PTPRM: variants seen among roughly 807,000 people sequenced by gnomAD.
The protein encoded by PTPRM is receptor-type tyrosine-protein phosphatase mu.
PTPRM carries 47 observed loss-of-function variants against 186.7 expected under a neutral mutation model. The ratio of observed to expected loss-of-function variants is 0.25; its 90% CI spans 0.20 to 0.32. PTPRM has a LOEUF of 0.32. Among genes scored for constraint, PTPRM ranks in the 10% least tolerant of loss-of-function variants. PTPRM has a pLI of 1.00. For missense variants in PTPRM, 1,494 were observed against 1,865.0 expected (o/e 0.80, Z 3.66); for synonymous variants, 668 against 674.9 (o/e 0.99, Z 0.16).
chr18:8,149,001 C>A (rs1052347226), intron 14 of PTPRM, among the ~76,000 whole-genome samples: 2 of 152,182 alleles, frequency 1.3e-5, no homozygotes, highest in African/African-American at 4.8e-5. Context: ...TATGATTGCA[C>A]TGTGGTCTGA....
chr18:7,574,069 T>TCA (rs1380405684), intron 1 of PTPRM, among the ~76,000 whole-genome samples: 2 of 152,184 alleles, frequency 1.3e-5, no homozygotes, highest in African/African-American at 4.8e-5. Flanking sequence ...GGAGAACCCT[T>TCA]GTTCTAAAAG....
chr18:7,574,901 G>A (rs757444008), intron 1 of PTPRM, among the ~76,000 whole-genome samples: 1 of 152,140 alleles, frequency 6.6e-6, no homozygotes, highest in African/African-American at 2.4e-5. Flanking sequence ...GCGTGTTGGT[G>A]GGCGCCTGTA....
intron 14 of PTPRM, among the ~76,000 whole-genome samples, chr18:8,149,040 T>C (rs915691585): frequency 9.9e-5 from 15 of 152,198 alleles, no homozygotes; most frequent in Non-Finnish European, 1.9e-4. Flanking sequence ...TTCCTTTCTT[T>C]TGAATTTGCT....
intron 1 of PTPRM, among the ~76,000 whole-genome samples, chr18:7,752,364 A>C (rs191643583): frequency 1.3e-5 from 2 of 152,264 alleles, no homozygotes; most frequent in East Asian, 3.9e-4. Flanking sequence ...TTTTTTAAAA[A>C]AATTTCTATA....
chr18:7,793,514 A>G (rs1041178432), intron 2 of PTPRM, among the ~76,000 whole-genome samples: 4 of 152,162 alleles, frequency 2.6e-5, no homozygotes, highest in Non-Finnish European at 5.9e-5. Flanking sequence ...TTCCTTCTAA[A>G]TGACAATGTT....
chr18:7,753,109 C>A (rs2041302273), intron 1 of PTPRM, among the ~76,000 whole-genome samples: 1 of 152,028 alleles, frequency 6.6e-6, no homozygotes, highest in Admixed American at 6.6e-5. Context: ...TCTTTCTAGC[C>A]ATATGTATTT....
chr18:8,149,586 G>A (rs1330483644), intron 14 of PTPRM, among the ~76,000 whole-genome samples: 1 of 152,130 alleles, frequency 6.6e-6, no homozygotes, highest in East Asian at 1.9e-4. Context: ...ACACTGATGG[G>A]TCTTGACTCT....
rs560193973 is a variant in PTPRM at position 7,822,256 on chromosome 18, C to T, written c.196+47985C>T. Among the ~76,000 whole-genome samples the T allele has an allele frequency of 4.7e-4, 72 of 152,340 alleles. 2 individuals are homozygous for T. The South Asian group carries it at 0.014, about 31-fold the overall frequency. Reference sequence around the variant, plus strand: ...TGAAGCAAACTCTAAACTATCTCATCCACTTCAGAATGCCTGGCCTGGGCT... The same window carrying T: ...TGAAGCAAACTCTAAACTATCTCATTCACTTCAGAATGCCTGGCCTGGGCT... On this transcript the variant is annotated intron_variant, in intron 2 of 32. Transcript: ENST00000580170.
chr18:7,949,707 C>T (rs1048701761), intron 6 of PTPRM, among the ~76,000 whole-genome samples: 7 of 151,918 alleles, frequency 4.6e-5, no homozygotes, highest in African/African-American at 9.7e-5. Flanking sequence ...CATCAGCCAG[C>T]GTGTTTATGA....
At chr18:8,118,990 G>A (rs1002946168) in intron 13 of PTPRM, among the ~76,000 whole-genome samples, 64 of 151,606 alleles carry the variant, frequency 4.2e-4, no homozygotes, top group African/African-American at 3.9e-4. Flanking sequence ...AAAACTTCAC[G>A]TAAACACATG....
At chr18:7,978,321 A>C (rs1214561898) in intron 7 of PTPRM, among the ~76,000 whole-genome samples, 1 of 152,166 alleles carries the variant, frequency 6.6e-6, no homozygotes. Flanking sequence ...TTTATCTGCC[A>C]GGGTCATTTA....
At chr18:8,047,938 C>T (rs373450766) in intron 7 of PTPRM, among the ~76,000 whole-genome samples, 3 of 152,128 alleles carry the variant, frequency 2.0e-5, no homozygotes, top group African/African-American at 2.4e-5. Flanking sequence ...TGAAGGACTA[C>T]GGAACAGATG....
At chr18:7,705,077 G>A (rs2040048217) in intron 1 of PTPRM, among the ~76,000 whole-genome samples, 1 of 152,030 alleles carries the variant, frequency 6.6e-6, no homozygotes, top group Admixed American at 6.6e-5. Flanking sequence ...AGGGGGATGG[G>A]TGAAATAAAT....
chr18:8,378,230 C>G, intron 26 of PTPRM, 35 bp from the exon 27 acceptor site: 1 of 1,575,494 alleles, frequency 6.3e-7, no homozygotes, highest in East Asian at 2.2e-5. Context: ...CTCTGGTTCT[C>G]TAAAGTTAGT....
intron 2 of PTPRM, among the ~76,000 whole-genome samples, chr18:7,831,916 A>G (rs2045781826): frequency 6.6e-6 from 1 of 152,172 alleles, no homozygotes; most frequent in Non-Finnish European, 1.5e-5. Context: ...ACTTAGCATA[A>G]TGTCCTCCAG....
intron 1 of PTPRM, among the ~76,000 whole-genome samples, chr18:7,619,956 GCTCCC>G (rs2037897615): frequency 6.6e-6 from 1 of 152,190 alleles, no homozygotes; most frequent in Admixed American, 6.5e-5. Context: ...TTGGAAAAGA[GCTCCC>G]AGCTGATGGC....
At chr18:8,287,640 C>T (rs531032396) in intron 19 of PTPRM, among the ~76,000 whole-genome samples, 63 of 152,286 alleles carry the variant, frequency 4.1e-4, no homozygotes, top group African/African-American at 1.5e-3. Context: ...ATTCTTACTG[C>T]TCTCTAAGGA....
At chr18:7,929,913 G>T (rs2051380181) in intron 5 of PTPRM, among the ~76,000 whole-genome samples, 2 of 152,114 alleles carry the variant, frequency 1.3e-5, no homozygotes, top group South Asian at 2.1e-4. Context: ...ACTCATTTGG[G>T]TCCTCAAAAT....
At chr18:7,664,349 C>G (rs1401236773) in intron 1 of PTPRM, among the ~76,000 whole-genome samples, 3 of 152,202 alleles carry the variant, frequency 2.0e-5, no homozygotes, top group Non-Finnish European at 4.4e-5. Context: ...TGCCATTGTT[C>G]CACCTAAAGA....
Sources: allele counts gnomAD v4.1 joint callset (sites outside exome capture counted in the v4.1 genomes callset), GRCh38; gene constraint gnomAD v4.1.1; transcripts MANE v1.5; gene names NCBI Gene and HGNC (gene_info 2026-07-23, HGNC 2026-07-21).